MOB3B: variants seen among roughly 807,000 people sequenced by gnomAD.
The protein encoded by MOB3B is MOB kinase activator 3B.
In MOB3B, 7 loss-of-function variants were observed where a neutral mutation model predicts 18.7. The observed-to-expected ratio is 0.37, with a 90% CI of 0.21 to 0.70. The LOEUF is 0.70. Among genes scored for constraint, MOB3B ranks in the 30% least tolerant of loss-of-function variants. The pLI, the probability that MOB3B is intolerant of heterozygous loss-of-function variation, is 0.52. For missense variants in MOB3B, 253 were observed against 281.3 expected (o/e 0.90, Z 0.72); for synonymous variants, 111 against 99.9 (o/e 1.11, Z -0.66).
At chr9:27,514,848 G>T (rs868064050) in intron 1 of MOB3B, among the ~76,000 whole-genome samples, 1 of 152,216 alleles carries the variant, frequency 6.6e-6, no homozygotes, top group Non-Finnish European at 1.5e-5. Flanking sequence ...CTACACAGAG[G>T]GAAGTTGTAA....
At chr9:27,454,830 A>AAG (rs1201297971) in intron 2 of MOB3B, among the ~76,000 whole-genome samples, 1 of 152,204 alleles carries the variant, frequency 6.6e-6, no homozygotes, top group African/African-American at 2.4e-5. Flanking sequence ...TAATCTTATC[A>AAG]AGATAAGTGA....
intron 2 of MOB3B, among the ~76,000 whole-genome samples, chr9:27,401,794 T>G (rs1288831894): frequency 6.6e-6 from 1 of 152,332 alleles, no homozygotes; most frequent in African/African-American, 2.4e-5. Context: ...TAGAAACTTA[T>G]GGCAAACATA....
chr9:27,425,006 C>T (rs1822305950), intron 2 of MOB3B, among the ~76,000 whole-genome samples: 1 of 152,174 alleles, frequency 6.6e-6, no homozygotes, highest in Non-Finnish European at 1.5e-5. Flanking sequence ...TTCTCCACCA[C>T]CCATAATTTA....
intron 2 of MOB3B, among the ~76,000 whole-genome samples, chr9:27,404,509 C>T (rs1276311246): frequency 6.6e-6 from 1 of 151,826 alleles, no homozygotes; most frequent in Non-Finnish European, 1.5e-5. Context: ...AGGCATGCAC[C>T]ACCACGCCTG....
chr9:27,481,110 A>G (rs1468913259), intron 1 of MOB3B, among the ~76,000 whole-genome samples: 1 of 152,250 alleles, frequency 6.6e-6, no homozygotes. Flanking sequence ...CTCTGAAAGA[A>G]TAAAACAGTA....
chr9:27,425,712 T>TA (rs1822318324), intron 2 of MOB3B, among the ~76,000 whole-genome samples: 1 of 150,670 alleles, frequency 6.6e-6, no homozygotes, highest in Non-Finnish European at 1.5e-5. Context: ...GCAGTGGGCT[T>TA]ATGTCTAAAA....
At chr9:27,465,320 C>A (rs1819364915) in intron 1 of MOB3B, among the ~76,000 whole-genome samples, 1 of 152,208 alleles carries the variant, frequency 6.6e-6, no homozygotes, top group Non-Finnish European at 1.5e-5. Context: ...CCAAAATGAT[C>A]TCCTTTGACT....
intron 2 of MOB3B, among the ~76,000 whole-genome samples, chr9:27,434,046 C>T (rs1411561964): frequency 6.6e-6 from 1 of 152,186 alleles, no homozygotes; most frequent in Admixed American, 6.5e-5. Flanking sequence ...ATTTGCTCAC[C>T]TCTGTGAAGA....
intron 2 of MOB3B, among the ~76,000 whole-genome samples, chr9:27,416,291 G>C (rs1822147336): frequency 1.3e-5 from 2 of 152,032 alleles, no homozygotes; most frequent in Admixed American, 1.3e-4. Context: ...CTAGTAAGTG[G>C]CATATCAGGG....
At chr9:27,525,290 T>C (rs1296714033) in intron 1 of MOB3B, among the ~76,000 whole-genome samples, 2 of 152,172 alleles carry the variant, frequency 1.3e-5, no homozygotes, top group African/African-American at 4.8e-5. Flanking sequence ...ACCAAGACAA[T>C]GGCTAGAGGA....
chr9:27,357,785 C>T (rs762838567), intron 3 of MOB3B, among the ~76,000 whole-genome samples: 2 of 150,422 alleles, frequency 1.3e-5, no homozygotes, highest in Non-Finnish European at 3.0e-5. Context: ...GGCATGGTGG[C>T]TCACACCTGT....
At chr9:27,460,717 T>C (rs1239513377) in intron 1 of MOB3B, among the ~76,000 whole-genome samples, 1 of 152,170 alleles carries the variant, frequency 6.6e-6, no homozygotes. Context: ...CAGGATCAGC[T>C]GCCAGGATGA....
intron 2 of MOB3B, among the ~76,000 whole-genome samples, chr9:27,447,087 G>C (rs1012332856): frequency 7.2e-5 from 11 of 152,236 alleles, no homozygotes; most frequent in Admixed American, 2.6e-4. Flanking sequence ...GCCTACAAAG[G>C]TTCGTTGAAG....
At chr9:27,368,493 G>C (rs773552535) in intron 2 of MOB3B, among the ~76,000 whole-genome samples, 1 of 152,074 alleles carries the variant, frequency 6.6e-6, no homozygotes, top group South Asian at 2.1e-4. Context: ...ATCTCAGTAC[G>C]TTCCTCAAGA....
intron 1 of MOB3B, among the ~76,000 whole-genome samples, chr9:27,490,636 G>A (rs566805409): frequency 2.0e-5 from 3 of 152,222 alleles, no homozygotes; most frequent in African/African-American, 7.2e-5. Context: ...TCAGGAGCTG[G>A]GAGTAAGGAG....
intron 2 of MOB3B, among the ~76,000 whole-genome samples, chr9:27,454,246 G>T (rs1453134804): frequency 6.6e-6 from 1 of 152,080 alleles, no homozygotes; most frequent in Non-Finnish European, 1.5e-5. Context: ...TACGTTTTTT[G>T]TACTCCAACC....
chr9:27,409,503 C>T (rs912029741), intron 2 of MOB3B, among the ~76,000 whole-genome samples: 8 of 152,174 alleles, frequency 5.3e-5, no homozygotes, highest in Non-Finnish European at 1.0e-4. Context: ...ATGGTGCAGC[C>T]ACTGTGGAAA....
chr9:27,363,336 G>A (rs10124788), intron 2 of MOB3B, among the ~76,000 whole-genome samples: 3,114 of 152,142 alleles, frequency 0.02, 105 homozygotes, highest in African/African-American at 0.07. Flanking sequence ...TGGCAGGATC[G>A]TGGCTCACTG....
intron 2 of MOB3B, among the ~76,000 whole-genome samples, chr9:27,432,866 G>A (rs1822436415): frequency 6.6e-6 from 1 of 152,106 alleles, no homozygotes; most frequent in Non-Finnish European, 1.5e-5. Context: ...AGGATGACAT[G>A]AAAAGAAGAG....
Sources: gnomAD v4.1 joint callset for allele counts (sites outside exome capture counted in the v4.1 genomes callset) on GRCh38, gnomAD v4.1.1 for gene constraint, MANE v1.5 for transcripts, NCBI Gene and HGNC (gene_info 2026-07-23, HGNC 2026-07-21) for gene names.